Variants in STXBP5L observed in about 807,000 individuals in gnomAD.
STXBP5L encodes syntaxin binding protein 5L.
Under a neutral mutation model 144.5 loss-of-function variants are expected in STXBP5L, and 65 were observed. That is an observed-to-expected ratio of 0.45 (90% CI 0.37 to 0.55). STXBP5L has a LOEUF of 0.55. Among genes scored for constraint, STXBP5L ranks in the 20% least tolerant of loss-of-function variants. The probability of loss-of-function intolerance (pLI) is 0.00; values close to 1 mark genes in which losing one functional copy is unlikely to be tolerated. For synonymous variants in STXBP5L, 505 were observed against 469.6 expected, an observed-to-expected ratio of 1.08 and a Z score of -0.97; for missense variants, 1,298 against 1,405.5, an observed-to-expected ratio of 0.92 and a Z score of 1.22.
chr3:121,323,753 C>CT (rs5852267), intron 20 of STXBP5L, among the ~76,000 whole-genome samples: 74,133 of 151,670 alleles, frequency 0.49, 18,566 homozygotes, highest in East Asian at 0.73. Flanking sequence ...GCTGTACAAC[C>CT]TTTTTTTTCT....
At chr3:120,983,694 GC>G (rs1942022197) in intron 3 of STXBP5L, among the ~76,000 whole-genome samples, 1 of 152,074 alleles carries the variant, frequency 6.6e-6, no homozygotes, top group Non-Finnish European at 1.5e-5. Flanking sequence ...GGAGTGTGGA[GC>G]CCTAGGGGTC....
intron 6 of STXBP5L, among the ~76,000 whole-genome samples, chr3:121,117,294 A>G (rs2044273986): frequency 6.6e-6 from 1 of 151,886 alleles, no homozygotes; most frequent in South Asian, 2.1e-4. Flanking sequence ...ATCGAGTTGT[A>G]CATGCCTCTG....
intron 15 of STXBP5L, among the ~76,000 whole-genome samples, chr3:121,254,251 A>T (rs538420423): frequency 2.1e-4 from 32 of 152,286 alleles, no homozygotes; most frequent in Non-Finnish European, 3.8e-4. Context: ...ATGGTCTCCA[A>T]TGGAAAAATA....
intron 18 of STXBP5L, among the ~76,000 whole-genome samples, chr3:121,268,333 C>T (rs1254391362): frequency 6.6e-6 from 1 of 152,106 alleles, no homozygotes; most frequent in East Asian, 1.9e-4. Flanking sequence ...CATGTCCCCA[C>T]TCATAAGTGG....
chr3:121,113,603 C>G (rs2044094981), intron 5 of STXBP5L, among the ~76,000 whole-genome samples: 1 of 151,244 alleles, frequency 6.6e-6, no homozygotes. Context: ...CTGTTGAAAA[C>G]TTCAGTGAAC....
intron 20 of STXBP5L, chr3:121,324,720 A>G (rs2044087881): frequency 3.8e-6 from 2 of 528,574 alleles, no homozygotes; most frequent in Non-Finnish European, 6.6e-6. Context: ...GTGTATGAAA[A>G]CAAATTTTTC....
chr3:121,166,601 T>C lies in STXBP5L; in HGVS notation c.877+8974T>C, dbSNP rs143343565. 9.7e-3 allele frequency among the ~76,000 whole-genome samples: 1,483 copies of C among 152,330 alleles called. 23 individuals are homozygous for C. The highest frequency in any genetic ancestry group is 0.034 in the African/African-American group (1,399 of 41,570). The stretch of plus-strand genomic sequence containing the variant: ...CACATGTCTTCTATATTCTGGGTCC[T>C]ACTATTCTAATGTCTGCATTTATTG... On this transcript the variant is annotated intron_variant, in intron 9 of 26. Coordinates refer to ENST00000471454, the MANE Select transcript of STXBP5L (RefSeq NM_001308330.2).
chr3:121,206,541 G>T (rs1434370572), intron 10 of STXBP5L, among the ~76,000 whole-genome samples: 4 of 152,158 alleles, frequency 2.6e-5, no homozygotes, highest in African/African-American at 9.7e-5. Context: ...TGGGTGCCCT[G>T]CCTCACGCCT....
At chr3:121,230,730 A>C (rs534782511) in intron 11 of STXBP5L, among the ~76,000 whole-genome samples, 1 of 152,330 alleles carries the variant, frequency 6.6e-6, no homozygotes, top group South Asian at 2.1e-4. Flanking sequence ...CTTTAAATAA[A>C]GCTTTAGCCA....
At chr3:121,282,809 CT>C (rs2051104481) in intron 19 of STXBP5L, among the ~76,000 whole-genome samples, 1 of 151,880 alleles carries the variant, frequency 6.6e-6, no homozygotes. Flanking sequence ...CTAAGTATTC[CT>C]GATTTCTGAT....
intron 3 of STXBP5L, among the ~76,000 whole-genome samples, chr3:120,996,940 C>T (rs1267303632): frequency 6.6e-6 from 1 of 152,068 alleles, no homozygotes; most frequent in African/African-American, 2.4e-5. Flanking sequence ...TTTTTCAATC[C>T]TTATCCTCCT....
intron 19 of STXBP5L, among the ~76,000 whole-genome samples, chr3:121,315,295 C>T (rs1485643350): frequency 1.3e-5 from 2 of 152,040 alleles, no homozygotes; most frequent in African/African-American, 4.8e-5. Context: ...CCATGGAATA[C>T]TATGCAGCCA....
chr3:120,919,470 A>G (rs1709259606), intron 2 of STXBP5L, among the ~76,000 whole-genome samples: 1 of 151,970 alleles, frequency 6.6e-6, no homozygotes, highest in African/African-American at 2.4e-5. Flanking sequence ...ATTTATAAAT[A>G]ATCTGTACAT....
intron 15 of STXBP5L, 94 bp from the exon 16 acceptor site, chr3:121,254,801 A>T: frequency 9.1e-7 from 1 of 1,103,384 alleles, no homozygotes; most frequent in Non-Finnish European, 1.3e-6. Flanking sequence ...ACTTAGGTTT[A>T]CTTTTGTTGT....
intron 20 of STXBP5L, among the ~76,000 whole-genome samples, chr3:121,367,789 C>CTTTTTT: frequency 9.0e-5 from 1 of 11,080 alleles, no homozygotes. Context: ...TTTTGCTTTT[C>CTTTTTT]CTTTTTTTTT....
At chr3:121,370,753 C>T (rs1256784438) in intron 20 of STXBP5L, among the ~76,000 whole-genome samples, 2 of 152,192 alleles carry the variant, frequency 1.3e-5, no homozygotes, top group African/African-American at 4.8e-5. Context: ...TTTCAGAAAG[C>T]CAGACTTCAA....
intron 10 of STXBP5L, among the ~76,000 whole-genome samples, chr3:121,216,374 G>A (rs1470559594): frequency 1.3e-5 from 2 of 152,120 alleles, no homozygotes; most frequent in African/African-American, 2.4e-5. Context: ...TTGTGTGGAT[G>A]TCCTTTTTGT....
At chr3:121,051,050 A>G (rs546175478) in intron 5 of STXBP5L, among the ~76,000 whole-genome samples, 1 of 152,332 alleles carries the variant, frequency 6.6e-6, no homozygotes, top group Admixed American at 6.5e-5. Context: ...CTAAATATAT[A>G]TGCACCCAAT....
intron 3 of STXBP5L, among the ~76,000 whole-genome samples, chr3:121,017,237 A>G (rs985237991): frequency 6.6e-5 from 10 of 152,190 alleles, no homozygotes; most frequent in African/African-American, 1.9e-4. Flanking sequence ...ACAAAATCTC[A>G]CACCCACACA....
Sources: allele counts gnomAD v4.1 joint callset (sites outside exome capture counted in the v4.1 genomes callset), GRCh38; gene constraint gnomAD v4.1.1; transcripts MANE v1.5; gene names NCBI Gene and HGNC (gene_info 2026-07-23, HGNC 2026-07-21).